BNC2: variants seen among roughly 807,000 people sequenced by gnomAD.
BNC2 encodes zinc finger protein basonuclin-2.
Under a neutral mutation model 76.3 loss-of-function variants are expected in BNC2, and 20 were observed. The ratio of observed to expected loss-of-function variants is 0.26; its 90% CI spans 0.18 to 0.38. The LOEUF (loss-of-function observed/expected upper bound fraction) is 0.38. BNC2 is among the 10% of genes least tolerant of loss of function. The pLI, the probability that BNC2 is intolerant of heterozygous loss-of-function variation, is 1.00. For missense variants in BNC2, 1,382 were observed against 1,399.8 expected (o/e 0.99, Z 0.20); for synonymous variants, 582 against 514.8 (o/e 1.13, Z -1.77).
chr9:16,712,889 C>T (rs905675153), intron 3 of BNC2, among the ~76,000 whole-genome samples: 3 of 152,138 alleles, frequency 2.0e-5, no homozygotes, highest in Non-Finnish European at 2.9e-5. Context: ...CTGACTAGTC[C>T]GTCAAATTCC....
chr9:16,642,073 G>C (rs542248780), intron 3 of BNC2, among the ~76,000 whole-genome samples: 3 of 152,270 alleles, frequency 2.0e-5, no homozygotes, highest in Admixed American at 2.0e-4. Flanking sequence ...TGTTCTATAA[G>C]CCAAAATAAG....
intron 5 of BNC2, among the ~76,000 whole-genome samples, chr9:16,460,797 T>A (rs1272783203): frequency 1.3e-5 from 2 of 152,036 alleles, no homozygotes; most frequent in African/African-American, 4.8e-5. Context: ...AGCGTTATTA[T>A]CAGGATTGAA....
intron 1 of BNC2, among the ~76,000 whole-genome samples, chr9:16,745,764 T>C (rs756874682): frequency 6.6e-6 from 1 of 152,240 alleles, no homozygotes; most frequent in Non-Finnish European, 1.5e-5. Flanking sequence ...AAACCCTAGA[T>C]TGTTTACTGT....
chr9:16,551,494 G>A (rs549362158), intron 5 of BNC2, among the ~76,000 whole-genome samples: 1 of 152,338 alleles, frequency 6.6e-6, no homozygotes, highest in South Asian at 2.1e-4. Context: ...AAACAGTGGA[G>A]ATATGTCTAG....
intron 1 of BNC2, among the ~76,000 whole-genome samples, chr9:16,839,202 G>C (rs1387763910): frequency 2.0e-5 from 3 of 152,290 alleles, no homozygotes; most frequent in African/African-American, 4.8e-5. Context: ...CAATAATTCT[G>C]CAACAGTTTG....
chr9:16,607,512 G>A (rs2133380997), intron 3 of BNC2, among the ~76,000 whole-genome samples: 1 of 151,808 alleles, frequency 6.6e-6, no homozygotes, highest in South Asian at 2.1e-4. Context: ...TACACTTTAG[G>A]GTAAGTAAAC....
chr9:16,603,866 C>T (rs1297604434), intron 3 of BNC2, among the ~76,000 whole-genome samples: 1 of 114,486 alleles, frequency 8.7e-6, no homozygotes, highest in Non-Finnish European at 1.9e-5. Flanking sequence ...CTCAAATATT[C>T]TCTTAAAAAT....
intron 1 of BNC2, among the ~76,000 whole-genome samples, chr9:16,748,474 A>G (rs2135245532): frequency 6.6e-6 from 1 of 152,234 alleles, no homozygotes; most frequent in African/African-American, 2.4e-5. Context: ...TGAGCGTGCC[A>G]CTGCACTCCA....
chr9:16,754,687 A>G (rs1825328235), intron 1 of BNC2, among the ~76,000 whole-genome samples: 2 of 151,970 alleles, frequency 1.3e-5, no homozygotes, highest in South Asian at 2.1e-4. Context: ...CCTCCTGAGT[A>G]GCTGGGATTA....
At chr9:16,737,768 A>AT (rs1824720603) in intron 2 of BNC2, among the ~76,000 whole-genome samples, 1 of 152,192 alleles carries the variant, frequency 6.6e-6, no homozygotes, top group South Asian at 2.1e-4. Flanking sequence ...CAAGTTAAAA[A>AT]TACGAAGACT....
chr9:16,806,325 C>A (rs958278107), intron 1 of BNC2, among the ~76,000 whole-genome samples: 1 of 152,002 alleles, frequency 6.6e-6, no homozygotes, highest in African/African-American at 2.4e-5. Context: ...AGTGATAGTG[C>A]CACTGCACCC....
At position 16,437,064 on chromosome 9, in the gene BNC2, T is replaced by G. The variant is rs1293506461; in HGVS notation, c.1130A>C (p.Lys377Thr). 3 of 1,614,140 alleles carry G rather than the reference T, an allele frequency of 1.9e-6. No homozygotes were observed. Among genetic ancestry groups the G allele is most frequent in the East Asian group, 4.5e-5 (2 of 44,862 alleles). The change falls in exon 6 of 7, where the codon AAG becomes ACG. Residue 377 changes from lysine (K) to threonine (T), a missense_variant. By Grantham distance (78) the Lys-to-Thr change is moderately conservative. Around this residue, in one of 3 missense-constraint regions of BNC2, gnomAD observed 557 missense variants for 540.9 expected, o/e 1.03. Coordinates refer to ENST00000380672, the MANE Select transcript of BNC2 (RefSeq NM_017637.6). ...ATTTCTATTGGGTGTTTGATCATTC[T>G]TATAAGGTGTGGGAGAAACTTCGGA... ...SESEVSPTPY[K>T]NDQTPNRNAL...
At chr9:16,667,552 T>A (rs1458626937) in intron 3 of BNC2, among the ~76,000 whole-genome samples, 1 of 152,224 alleles carries the variant, frequency 6.6e-6, no homozygotes. Flanking sequence ...GTGAGGATTA[T>A]CTGAGCAAAT....
At chr9:16,491,472 A>G (rs1294089055) in intron 5 of BNC2, among the ~76,000 whole-genome samples, 1 of 152,228 alleles carries the variant, frequency 6.6e-6, no homozygotes, top group Non-Finnish European at 1.5e-5. Flanking sequence ...AAAAACACAC[A>G]TAAAACTCCT....
At chr9:16,857,067 A>G (rs550556708) in intron 1 of BNC2, among the ~76,000 whole-genome samples, 1 of 152,390 alleles carries the variant, frequency 6.6e-6, no homozygotes, top group South Asian at 2.1e-4. Context: ...CATAAAAAAT[A>G]GAAAAGTAAC....
intron 1 of BNC2, among the ~76,000 whole-genome samples, chr9:16,864,345 T>C (rs1819485963): frequency 6.6e-6 from 1 of 152,266 alleles, no homozygotes; most frequent in Non-Finnish European, 1.5e-5. Context: ...ATTTAGTCAG[T>C]ACTAAAAATA....
intron 1 of BNC2, among the ~76,000 whole-genome samples, chr9:16,814,466 T>A (rs1818132651): frequency 6.6e-6 from 1 of 152,206 alleles, no homozygotes; most frequent in East Asian, 1.9e-4. Context: ...GAAATTTTAC[T>A]CCTTTCATAA....
chr9:16,730,220 G>A (rs544647528), intron 2 of BNC2, among the ~76,000 whole-genome samples: 1 of 152,126 alleles, frequency 6.6e-6, no homozygotes, highest in Non-Finnish European at 1.5e-5. Context: ...CGTGGACCGG[G>A]CCATGTCAAA....
At chr9:16,854,321 G>T (rs1348578671) in intron 1 of BNC2, among the ~76,000 whole-genome samples, 1 of 152,150 alleles carries the variant, frequency 6.6e-6, no homozygotes, top group Non-Finnish European at 1.5e-5. Flanking sequence ...ACAATGTACA[G>T]AATTATTAAG....
Sources: gnomAD v4.1 joint callset for allele counts (sites outside exome capture counted in the v4.1 genomes callset) on GRCh38, gnomAD v4.1.1 for gene constraint, gnomAD v4.1.1 regional missense constraint, MANE v1.5 for transcripts, NCBI Gene and HGNC (gene_info 2026-07-23, HGNC 2026-07-21) for gene names.